The following GRM8 variants were observed in gnomAD, a reference collection of about 807,000 sequenced individuals.
GRM8 encodes the protein metabotropic glutamate receptor 8.
Under a neutral mutation model 87.2 loss-of-function variants are expected in GRM8, and 47 were observed. That is an observed-to-expected ratio of 0.54 (90% CI 0.43 to 0.69). GRM8 has a LOEUF of 0.69. GRM8 is among the 30% of genes least tolerant of loss of function. GRM8 has a pLI of 0.00. For missense variants in GRM8, 1,019 were observed against 1,139.2 expected, an observed-to-expected ratio of 0.89 and a Z score of 1.52; for synonymous variants, 396 against 404.5, an observed-to-expected ratio of 0.98 and a Z score of 0.25.
chr7:127,015,979 T>A (rs922124485), intron 3 of GRM8, among the ~76,000 whole-genome samples: 4 of 152,132 alleles, frequency 2.6e-5, no homozygotes, highest in Admixed American at 6.6e-5. Context: ...GGCATATTTT[T>A]AAAAATTCCT....
At chr7:127,041,809 G>A (rs539859931) in intron 3 of GRM8, among the ~76,000 whole-genome samples, 1 of 152,300 alleles carries the variant, frequency 6.6e-6, no homozygotes, top group African/African-American at 2.4e-5. Flanking sequence ...AACTAGCTTA[G>A]TGCTGGTTGG....
intron 10 of GRM8, among the ~76,000 whole-genome samples, chr7:126,440,212 G>A (rs1383031131): frequency 6.6e-6 from 1 of 151,770 alleles, no homozygotes; most frequent in East Asian, 2.0e-4. Context: ...AGGAGTTTGA[G>A]ACAAGCTTGA....
intron 6 of GRM8, among the ~76,000 whole-genome samples, chr7:126,771,070 C>G (rs2151610169): frequency 6.6e-6 from 1 of 152,182 alleles, no homozygotes. Context: ...CCAACCCTTA[C>G]ACAACTGGTA....
chr7:126,762,877 A>G (rs1817736156), intron 7 of GRM8, among the ~76,000 whole-genome samples: 1 of 152,004 alleles, frequency 6.6e-6, no homozygotes, highest in African/African-American at 2.4e-5. Flanking sequence ...GCTGATCAAT[A>G]TAATACATTT....
chr7:127,115,654 CCT>C (rs1491337099), intron 2 of GRM8, among the ~76,000 whole-genome samples: 1 of 151,986 alleles, frequency 6.6e-6, no homozygotes, highest in East Asian at 1.9e-4. Context: ...GATTAATAAA[CCT>C]TTTTTTTTTA....
intron 3 of GRM8, among the ~76,000 whole-genome samples, chr7:127,040,149 A>T (rs1818289322): frequency 6.7e-6 from 1 of 150,058 alleles, no homozygotes; most frequent in African/African-American, 2.5e-5. Context: ...TCCAGGTCTA[A>T]GGCAAGTTTT....
intron 6 of GRM8, among the ~76,000 whole-genome samples, chr7:126,861,287 A>C (rs1028980555): frequency 1.1e-4 from 17 of 152,224 alleles, no homozygotes; most frequent in Middle Eastern, 3.4e-3. Context: ...TAGTACATGA[A>C]GATATAGTGC....
chr7:126,894,947 G>A (rs891814488), intron 6 of GRM8, among the ~76,000 whole-genome samples: 7 of 152,088 alleles, frequency 4.6e-5, no homozygotes, highest in East Asian at 1.9e-4. Context: ...GTGTATTTAC[G>A]ATTGACAGTA....
chr7:126,517,835 T>C (rs955735678), intron 9 of GRM8, among the ~76,000 whole-genome samples: 3 of 152,074 alleles, frequency 2.0e-5, no homozygotes, highest in Non-Finnish European at 4.4e-5. Flanking sequence ...GATTGCCCCA[T>C]AGGATTTTCA....
At chr7:127,041,050 T>C (rs906460888) in intron 3 of GRM8, among the ~76,000 whole-genome samples, 7 of 152,216 alleles carry the variant, frequency 4.6e-5, no homozygotes, top group Non-Finnish European at 8.8e-5. Flanking sequence ...AATTAGAGTT[T>C]TATAGTGATT....
At chr7:126,980,570 G>A (rs566086191) in intron 3 of GRM8, among the ~76,000 whole-genome samples, 6 of 152,104 alleles carry the variant, frequency 3.9e-5, no homozygotes, top group African/African-American at 1.4e-4. Context: ...GTCTTGAAAG[G>A]TTCTCCAAAC....
At chr7:126,612,352 T>C (rs185083165) in intron 7 of GRM8, among the ~76,000 whole-genome samples, 36 of 152,280 alleles carry the variant, frequency 2.4e-4, no homozygotes, top group Non-Finnish European at 3.5e-4. Context: ...CCTAAATTCA[T>C]TATGCTCTGT....
At chr7:126,546,333 T>C (rs1468971437) in intron 8 of GRM8, among the ~76,000 whole-genome samples, 1 of 152,180 alleles carries the variant, frequency 6.6e-6, no homozygotes, top group Non-Finnish European at 1.5e-5. Context: ...GACTACTGAA[T>C]CACATTTTAC....
chr7:127,240,424 CA>C (rs11305864), intron 2 of GRM8, among the ~76,000 whole-genome samples: 90,536 of 141,244 alleles, frequency 0.64, 29,649 homozygotes, highest in East Asian at 0.93. Flanking sequence ...GATTCTATGG[CA>C]AAAAAAAAAA....
intron 7 of GRM8, among the ~76,000 whole-genome samples, chr7:126,741,105 C>A (rs2157978): frequency 2.6e-5 from 4 of 151,776 alleles, no homozygotes; most frequent in African/African-American, 7.3e-5. Context: ...ACCAGTGAGA[C>A]GTGGCTACAG....
intron 6 of GRM8, among the ~76,000 whole-genome samples, chr7:126,848,018 T>C (rs1796866141): frequency 6.6e-6 from 1 of 152,182 alleles, no homozygotes; most frequent in South Asian, 2.1e-4. Context: ...TAGGAGGTTA[T>C]TGCAATTGTC....
chr7:126,623,494 C>T (rs921404081), intron 7 of GRM8, among the ~76,000 whole-genome samples: 16 of 152,192 alleles, frequency 1.1e-4, no homozygotes, highest in African/African-American at 3.9e-4. Context: ...AACTGCTCAA[C>T]ACCCACATGG....
chr7:126,973,511 C>T (rs987731705), intron 3 of GRM8, among the ~76,000 whole-genome samples: 1 of 152,148 alleles, frequency 6.6e-6, no homozygotes, highest in African/African-American at 2.4e-5. Context: ...CAGGTCCTGG[C>T]AAGAGAGAAA....
At chr7:126,847,825 C>A (rs1796845922) in intron 6 of GRM8, among the ~76,000 whole-genome samples, 1 of 152,136 alleles carries the variant, frequency 6.6e-6, no homozygotes, top group African/African-American at 2.4e-5. Flanking sequence ...CAAGTATCAA[C>A]TGTATGTTGC....
Sources: gnomAD v4.1 joint callset for allele counts (sites outside exome capture counted in the v4.1 genomes callset) on GRCh38, gnomAD v4.1.1 for gene constraint, MANE v1.5 for transcripts, NCBI Gene and HGNC (gene_info 2026-07-23, HGNC 2026-07-21) for gene names.